Variants in PPARG observed in about 807,000 individuals in gnomAD.
The protein encoded by PPARG is peroxisome proliferator activated receptor gamma.
A neutral mutation model predicts 39.2 loss-of-function variants in PPARG; 17 were observed. The ratio of observed to expected loss-of-function variants is 0.43; its 90% confidence interval spans 0.30 to 0.65. The LOEUF is 0.65. Among genes scored for constraint, PPARG ranks in the 30% least tolerant of loss-of-function variants. PPARG has a pLI of 0.13. For synonymous variants in PPARG, 223 were observed against 215.7 expected (o/e 1.03, Z -0.30); for missense variants, 406 against 585.9 (o/e 0.69, Z 3.17).
chr3:12,297,431 A>G (rs1488659604), intron 1 of PPARG, among the ~76,000 whole-genome samples: 9 of 152,162 alleles, frequency 5.9e-5, no homozygotes, highest in Non-Finnish European at 1.3e-4. Flanking sequence ...AAGTTTATTC[A>G]GTAGTATAAA....
chr3:12,296,675 G>A (rs2046794999), intron 1 of PPARG, among the ~76,000 whole-genome samples: 1 of 152,172 alleles, frequency 6.6e-6, no homozygotes, highest in South Asian at 2.1e-4. Flanking sequence ...TTGTCAAGAG[G>A]CTAGCCGGCT....
At chr3:12,382,252 T>C (rs1455448644) in intron 4 of PPARG, among the ~76,000 whole-genome samples, 2 of 151,662 alleles carry the variant, frequency 1.3e-5, no homozygotes, top group African/African-American at 4.8e-5. Context: ...GGAGATACTA[T>C]TTATCCTCAT....
At position 12,294,909 on chromosome 3, in the gene PPARG, A is replaced by G. The variant is rs141802644; in HGVS notation, c.-83+5775A>G. On this transcript the variant is annotated intron_variant, in intron 1 of 7. Coordinates refer to ENST00000651735, the MANE Select transcript of PPARG (RefSeq NM_138711.6). Reference sequence around the variant, plus strand: ...ACTCTGTCTCGAAATAATAATAATTATTATTATACATACTTAATTTTATTT... The same window carrying G: ...ACTCTGTCTCGAAATAATAATAATTGTTATTATACATACTTAATTTTATTT... Among the ~76,000 whole-genome samples, 25 of 152,258 alleles carry G rather than the reference A, an allele frequency of 1.6e-4. No individual in the cohort carries two copies. The East Asian group carries it at 4.2e-3, about 26-fold the overall frequency.
At chr3:12,405,626 C>T (rs1332965146) in intron 5 of PPARG, among the ~76,000 whole-genome samples, 1 of 152,152 alleles carries the variant, frequency 6.6e-6, no homozygotes, top group Non-Finnish European at 1.5e-5. Context: ...CTTTGCTAAA[C>T]TCGAATTCTT....
intron 2 of PPARG, among the ~76,000 whole-genome samples, chr3:12,333,214 A>G (rs2047911270): frequency 6.6e-6 from 1 of 152,180 alleles, no homozygotes; most frequent in African/African-American, 2.4e-5. Flanking sequence ...TAGTATTTCA[A>G]CTTACTGTAT....
chr3:12,429,526 G>A (rs1280278869), intron 7 of PPARG, among the ~76,000 whole-genome samples: 1 of 138,588 alleles, frequency 7.2e-6, no homozygotes, highest in East Asian at 2.0e-4. Flanking sequence ...AGAGCAGCCT[G>A]GAAAATGTAG....
At chr3:12,352,947 T>C (rs2048535011) in intron 2 of PPARG, among the ~76,000 whole-genome samples, 1 of 152,248 alleles carries the variant, frequency 6.6e-6, no homozygotes, top group Non-Finnish European at 1.5e-5. Context: ...CAGAATGTCC[T>C]GGCTATACTG....
chr3:12,296,214 C>T (rs2046778889), intron 1 of PPARG, among the ~76,000 whole-genome samples: 1 of 137,698 alleles, frequency 7.3e-6, no homozygotes, highest in South Asian at 2.3e-4. Context: ...AAGATTGTGC[C>T]ACTGCACTCT....
rs2124912784 is a variant in PPARG, at chr3:12,289,097, C to G, written c.-120C>G. 6.6e-6 allele frequency: 1 copy of G among 152,310 alleles called. No homozygotes were observed. The highest frequency in any genetic ancestry group is 2.1e-4 in the South Asian group (1 of 4,822). The allele number at this position is 152,310 out of a possible 1,614,324, so 9.4% of individuals were successfully genotyped here. ...CTTAACCTCTGCTGGTGACCAGAAGCCTGCATTTCTGCATTCTGCTTAATT... is the reference window on the plus strand; with the variant it reads ...CTTAACCTCTGCTGGTGACCAGAAGGCTGCATTTCTGCATTCTGCTTAATT... On this transcript the variant is annotated 5_prime_UTR_variant, in exon 1 of 8. Coordinates refer to ENST00000651735, the MANE Select transcript of PPARG (RefSeq NM_138711.6).
At chr3:12,351,965 T>A (rs1489757597) in intron 2 of PPARG, among the ~76,000 whole-genome samples, 1 of 152,226 alleles carries the variant, frequency 6.6e-6, no homozygotes, top group Non-Finnish European at 1.5e-5. Context: ...CATTTTTATT[T>A]CCTGAGTTTG....
At chr3:12,399,461 C>A in intron 5 of PPARG, 1 of 451,990 alleles carries the variant, frequency 2.2e-6, no homozygotes, top group South Asian at 1.6e-5. Context: ...GTGGTGCATG[C>A]CTGTGGTCCC....
chr3:12,404,719 G>C (rs187650670), intron 5 of PPARG, among the ~76,000 whole-genome samples: 4 of 152,132 alleles, frequency 2.6e-5, no homozygotes, highest in Admixed American at 6.5e-5. Flanking sequence ...CAGGAGAATC[G>C]CTTGAACCCA....
At chr3:12,421,804 T>C (rs2051272359) in intron 7 of PPARG, among the ~76,000 whole-genome samples, 1 of 152,218 alleles carries the variant, frequency 6.6e-6, no homozygotes, top group Admixed American at 6.5e-5. Context: ...TGAGTCTGGC[T>C]TGGTGACGCA....
chr3:12,385,617 G>A (rs1032879281), intron 4 of PPARG, among the ~76,000 whole-genome samples: 5 of 151,928 alleles, frequency 3.3e-5, no homozygotes, highest in Non-Finnish European at 7.4e-5. Flanking sequence ...AACCATAGCC[G>A]TACCTAAAGA....
chr3:12,330,909 G>T (rs1437291771), intron 2 of PPARG, among the ~76,000 whole-genome samples: 3 of 152,170 alleles, frequency 2.0e-5, no homozygotes, highest in African/African-American at 7.2e-5. Context: ...GGCTCTGAGA[G>T]TTTTAGAATT....
chr3:12,311,579 T>A (rs1559489045), intron 1 of PPARG, among the ~76,000 whole-genome samples: 1 of 152,166 alleles, frequency 6.6e-6, no homozygotes, highest in Non-Finnish European at 1.5e-5. Context: ...GGTACAGATT[T>A]AAAAGAGAAA....
chr3:12,402,692 C>T (rs1363072424), intron 5 of PPARG, among the ~76,000 whole-genome samples: 2 of 152,100 alleles, frequency 1.3e-5, no homozygotes, highest in African/African-American at 4.8e-5. Flanking sequence ...GATGGCCCAT[C>T]AAAATGTCCC....
chr3:12,407,689 A>G (rs944532861), intron 6 of PPARG, among the ~76,000 whole-genome samples: 2 of 152,222 alleles, frequency 1.3e-5, no homozygotes, highest in African/African-American at 2.4e-5. Context: ...GGAAAATCTC[A>G]TTAACCTTTC....
intron 5 of PPARG, chr3:12,399,430 AAG>A (rs1575115406): frequency 2.2e-6 from 1 of 456,044 alleles, no homozygotes; most frequent in Non-Finnish European, 4.4e-6. Flanking sequence ...TCCCTCAAGA[AAG>A]AGAAGTGAGC....
Sources: allele counts gnomAD v4.1 joint callset (sites outside exome capture counted in the v4.1 genomes callset), GRCh38; gene constraint gnomAD v4.1.1; transcripts MANE v1.5; gene names NCBI Gene and HGNC (gene_info 2026-07-23, HGNC 2026-07-21).